Variants in RPS6KA1 observed in about 807,000 individuals in gnomAD.
RPS6KA1 encodes ribosomal protein S6 kinase A1.
In RPS6KA1, 48 loss-of-function variants were observed where a neutral mutation model predicts 91.3. The observed-to-expected ratio is 0.53, with a 90% CI of 0.42 to 0.67. The LOEUF is 0.67. Ranked by LOEUF, RPS6KA1 falls within the 30% of genes least tolerant of loss-of-function variation. The pLI, the probability that RPS6KA1 is intolerant of heterozygous loss-of-function variation, is 0.00. For missense variants in RPS6KA1, 719 were observed against 960.5 expected (o/e 0.75, Z 3.32); for synonymous variants, 359 against 384.7 (o/e 0.93, Z 0.78).
intron 1 of RPS6KA1, among the ~76,000 whole-genome samples, chr1:26,531,980 C>T (rs1163215007): frequency 2.0e-5 from 3 of 152,308 alleles, no homozygotes; most frequent in Non-Finnish European, 2.9e-5. Context: ...GTAAGCGATA[C>T]AGCCGCCTGA....
At chr1:26,544,539 A>AT (rs932971448) in intron 2 of RPS6KA1, among the ~76,000 whole-genome samples, 1 of 148,730 alleles carries the variant, frequency 6.7e-6, no homozygotes, top group African/African-American at 2.5e-5. Flanking sequence ...CGGTGGTGCG[A>AT]TCTTGGCTCA....
Position 26,554,444 on chromosome 1 carries a change from C to A in RPS6KA1, c.614-152C>A. Reference sequence around the variant, plus strand: ...CAGCCCCTCATTGTGTAACGTTGAGCAAGTCACCTGACCTCTCTGGGCCTT... The same window carrying A: ...CAGCCCCTCATTGTGTAACGTTGAGAAAGTCACCTGACCTCTCTGGGCCTT... On this transcript the variant is annotated intron_variant, in intron 8 of 21. Transcript: ENST00000374168. This position sits in a 1 kb window ranked among gnomAD's most constrained non-coding sequence, Gnocchi z 4.6. 8.5e-7 allele frequency: 1 copy of A among 1,182,918 alleles called. No individual in the cohort carries two copies. Among genetic ancestry groups the A allele is most frequent in the Non-Finnish European group, 1.2e-6 (1 of 826,810 alleles). The allele number at this position is 1,182,918 out of a possible 1,614,324, so 73.3% of individuals were successfully genotyped here. A position where few individuals can be genotyped will look rare whatever the true frequency, so the allele number is the denominator to read the frequency against.
chr1:26,567,068 G>A (rs995118358), intron 17 of RPS6KA1, among the ~76,000 whole-genome samples: 3 of 151,728 alleles, frequency 2.0e-5, no homozygotes, highest in East Asian at 1.9e-4. Flanking sequence ...CCCAGCTGGA[G>A]CACAGTGGCA....
intron 1 of RPS6KA1, among the ~76,000 whole-genome samples, chr1:26,536,645 T>G (rs544241487): frequency 2.0e-5 from 3 of 152,182 alleles, no homozygotes; most frequent in Non-Finnish European, 4.4e-5. Context: ...TTGAACTAAG[T>G]CTTCAGAGAT....
rs367795872 is a variant in RPS6KA1 at position 26,554,657 on chromosome 1, A to C, written c.675A>C (p.Thr225=). Residue 225 remains threonine, a synonymous_variant, in exon 9 of 22, where the codon ACA becomes ACC. Transcript: ENST00000374168. The surrounding 1 kb of genome is among the most constrained non-coding windows in gnomAD (Gnocchi z 4.6). ...AGAAGGCCTATTCTTTCTGCGGGAC[A>C]GTGGAGTACATGGCCCCTGAGGTCG... The part of the protein sequence containing the change: ...HEKKAYSFCG[T]VEYMAPEVVN... The C allele has an allele frequency of 6.2e-7, 1 of 1,613,772 alleles. No individual in the cohort carries two copies. The highest frequency in any genetic ancestry group is 8.5e-7 in the Non-Finnish European group (1 of 1,179,832).
chr1:26,543,970 G>C, intron 2 of RPS6KA1: 1 of 419,830 alleles, frequency 2.4e-6, no homozygotes, highest in Non-Finnish European at 4.9e-6. Flanking sequence ...GAAAATCCTA[G>C]GGAAATGGGA....
At chr1:26,564,384 G>C (rs944628620) in intron 17 of RPS6KA1, among the ~76,000 whole-genome samples, 9 of 152,034 alleles carry the variant, frequency 5.9e-5, no homozygotes, top group Non-Finnish European at 1.5e-5. Context: ...TCAGCCTCCC[G>C]AGTAGCTGGG....
intron 13 of RPS6KA1, among the ~76,000 whole-genome samples, chr1:26,557,792 C>G (rs1246399902): frequency 1.6e-5 from 2 of 122,774 alleles, no homozygotes; most frequent in African/African-American, 3.1e-5. Context: ...CCCTCCCCTC[C>G]CCTCCCCTCC....
At chr1:26,572,328 G>T (rs1388669135) in intron 20 of RPS6KA1, 35 bp downstream of exon 20, 1 of 1,465,392 alleles carries the variant, frequency 6.8e-7, no homozygotes, top group African/African-American at 1.4e-5. Context: ...CTTATTTGGA[G>T]GAGGGAGGCA....
intron 17 of RPS6KA1, among the ~76,000 whole-genome samples, chr1:26,563,732 A>G (rs1172488512): frequency 6.6e-6 from 1 of 152,154 alleles, no homozygotes; most frequent in Non-Finnish European, 1.5e-5. Context: ...GATCATTTAC[A>G]TTATTTCTCC....
At position 26,555,911 on chromosome 1, in the gene RPS6KA1, T is replaced by C. The variant is rs1157319652; in HGVS notation, c.916+286T>C. On this transcript the variant is annotated intron_variant, in intron 11 of 21. Coordinates refer to ENST00000374168, the MANE Select transcript of RPS6KA1 (RefSeq NM_002953.4). This position sits in a 1 kb window ranked among gnomAD's most constrained non-coding sequence, Gnocchi z 4.3. ...GCCAAGGCTGCTGGCACAAGAGAAA[T>C]AGCATGAGCTCAGGAGTCAGAAGGC... Among the ~76,000 whole-genome samples the C allele has an allele frequency of 2.6e-5, 4 of 152,064 alleles. No homozygotes were observed. The highest frequency in any genetic ancestry group is 6.6e-5 in the Admixed American group (1 of 15,262).
At chr1:26,535,785 C>T (rs1044806916) in intron 1 of RPS6KA1, among the ~76,000 whole-genome samples, 2 of 152,106 alleles carry the variant, frequency 1.3e-5, no homozygotes, top group African/African-American at 4.8e-5. Context: ...ACTAGGTCCC[C>T]TCAGAGCCTC....
At chr1:26,532,725 C>T (rs1033842187) in intron 1 of RPS6KA1, among the ~76,000 whole-genome samples, 6 of 152,216 alleles carry the variant, frequency 3.9e-5, no homozygotes, top group African/African-American at 1.4e-4. Flanking sequence ...CTTCTCCAGA[C>T]GCTGCCCTGG....
intron 1 of RPS6KA1, among the ~76,000 whole-genome samples, chr1:26,532,634 C>T (rs932567945): frequency 6.6e-6 from 1 of 152,238 alleles, no homozygotes; most frequent in Admixed American, 6.5e-5. Context: ...GCAGGGCTGC[C>T]AATGCTGGGC....
chr1:26,538,409 C>T (rs2075921930), intron 2 of RPS6KA1, among the ~76,000 whole-genome samples: 2 of 152,152 alleles, frequency 1.3e-5, no homozygotes, highest in South Asian at 4.1e-4. Context: ...ACTGGAGGAG[C>T]TTACTGGGAG....
intron 14 of RPS6KA1, among the ~76,000 whole-genome samples, chr1:26,559,934 A>G (rs1227352439): frequency 6.6e-6 from 1 of 152,216 alleles, no homozygotes; most frequent in African/African-American, 2.4e-5. Context: ...GTCTCTAAAA[A>G]TACAAAAATC....
chr1:26,537,085 C>A, intron 2 of RPS6KA1, 116 bp downstream of exon 2: 1 of 1,072,758 alleles, frequency 9.3e-7, no homozygotes, highest in Non-Finnish European at 1.4e-6. Context: ...AGCCGTCCTT[C>A]TCAGGGCCCA....
chr1:26,546,834 C>A (rs2075998813), intron 2 of RPS6KA1, 33 bp from the exon 3 acceptor site: 4 of 1,568,504 alleles, frequency 2.6e-6, no homozygotes, highest in African/African-American at 1.3e-5. Context: ...TGGATGGGGC[C>A]CACCATGCCC....
Position 26,547,042 on chromosome 1 carries a change from A to G in RPS6KA1, c.225+59A>G. ...CTCGTCATGTTAGAGGTGGGGGTCA[A>G]GGGTCACCTAGGGGCCCAAAGGATC... On this transcript the variant is annotated intron_variant, in intron 3 of 21. Coordinates refer to ENST00000374168, the MANE Select transcript of RPS6KA1 (RefSeq NM_002953.4). This position sits in a 1 kb window ranked among gnomAD's most constrained non-coding sequence, Gnocchi z 4.1. The G allele has an allele frequency of 6.5e-7, 1 of 1,531,742 alleles. No individual in the cohort carries two copies. Among genetic ancestry groups the G allele is most frequent in the South Asian group, 1.1e-5 (1 of 89,340 alleles). The allele number at this position is 1,531,742 out of a possible 1,614,324, so 94.9% of individuals were successfully genotyped here.
Sources: allele counts gnomAD v4.1 joint callset (sites outside exome capture counted in the v4.1 genomes callset), GRCh38; gene constraint gnomAD v4.1.1; non-coding constraint Gnocchi (gnomAD v3.1); transcripts MANE v1.5; gene names NCBI Gene and HGNC (gene_info 2026-07-23, HGNC 2026-07-21).